Variants in ZZEF1 observed in about 807,000 individuals in gnomAD.
The protein encoded by ZZEF1 is zinc finger ZZ-type and EF-hand domain-containing protein 1.
ZZEF1 carries 157 observed loss-of-function variants against 342.8 expected under a neutral mutation model. That is an observed-to-expected ratio of 0.46 (90% CI 0.40 to 0.52). The LOEUF is 0.52. Among genes scored for constraint, ZZEF1 ranks in the 20% least tolerant of loss-of-function variants. The probability of loss-of-function intolerance (pLI) is 0.00; values close to 1 mark genes in which losing one functional copy is unlikely to be tolerated. For missense variants in ZZEF1, 3,480 were observed against 3,725.6 expected (o/e 0.93, Z 1.72); for synonymous variants, 1,505 against 1,429.1 (o/e 1.05, Z -1.20).
Position 4,013,485 on chromosome 17 carries a change from T to A in ZZEF1, c.8543A>T (p.His2848Leu). Residue 2848 changes from histidine to leucine, a missense_variant, in exon 52 of 55, where the codon CAC becomes CTC. His to Leu is a moderately conservative substitution (Grantham distance 99). This residue lies in a region of ZZEF1 where 1,269 missense variants were observed against 1,342.4 expected (regional missense o/e 0.95). Coordinates refer to ENST00000381638, the MANE Select transcript of ZZEF1 (RefSeq NM_015113.4). ...GCATCGCACAATCCTCAGAAGTAAGTGGATGGCTTTTAATCGTTGATGGCC... is the reference window on the plus strand; with the variant it reads ...GCATCGCACAATCCTCAGAAGTAAGAGGATGGCTTTTAATCGTTGATGGCC... ...QTGHQRLKAIHLLLRIVRCCG... is the reference protein window; with the variant it reads ...QTGHQRLKAILLLLRIVRCCG... 2 of 1,613,418 alleles carry A rather than the reference T, an allele frequency of 1.2e-6. No individual in the cohort carries two copies. Among genetic ancestry groups the A allele is most frequent in the Non-Finnish European group, 1.7e-6 (2 of 1,179,642 alleles).
At chr17:4,137,411 C>T (rs1054566615) in intron 1 of ZZEF1, among the ~76,000 whole-genome samples, 1 of 152,190 alleles carries the variant, frequency 6.6e-6, no homozygotes, top group African/African-American at 2.4e-5. Context: ...GAGATCGAGA[C>T]CATCCTGGCT....
chr17:4,094,537 C>T (rs2058000072), intron 11 of ZZEF1, among the ~76,000 whole-genome samples: 1 of 144,816 alleles, frequency 6.9e-6, no homozygotes, highest in South Asian at 2.1e-4. Flanking sequence ...ACCTGTTTAT[C>T]CATTGGCTAC....
At chr17:4,009,177 C>T (rs887941914) in intron 53 of ZZEF1, 2 of 599,988 alleles carry the variant, frequency 3.3e-6, no homozygotes, top group African/African-American at 3.7e-5. Context: ...GGTGACCAGG[C>T]CGGGACCCCT....
chr17:4,131,927 C>T (rs1419921669), intron 1 of ZZEF1, among the ~76,000 whole-genome samples: 1 of 151,988 alleles, frequency 6.6e-6, no homozygotes, highest in Non-Finnish European at 1.5e-5. Flanking sequence ...GCATGGGCAA[C>T]GATGGGAAGG....
rs1004203250 is a variant in ZZEF1, at chr17:4,082,445, C to T, written c.2706G>A (p.Thr902=). The change falls in exon 17 of 55, where the codon ACG becomes ACA. Residue 902 remains threonine (T), a synonymous_variant. Transcript: ENST00000381638. ...AAGAACGATCAGCTTACCTAAAATA[C>T]GTGCACAGTGAACGGAAAGTGAGCT... is the stretch of plus-strand genomic sequence containing the variant. ...SLQLTFRSLC[T]YFSDKDPGGL... 9 of 1,613,932 alleles carry T rather than the reference C, an allele frequency of 5.6e-6. No individual in the cohort carries two copies. The highest frequency in any genetic ancestry group is 1.1e-5 in the South Asian group (1 of 91,078).
chr17:4,128,922 C>T (rs191772173), intron 1 of ZZEF1, among the ~76,000 whole-genome samples: 35 of 151,690 alleles, frequency 2.3e-4, no homozygotes, highest in African/African-American at 7.0e-4. Context: ...GCATGCGCCA[C>T]CACGCCCAGC....
intron 26 of ZZEF1, among the ~76,000 whole-genome samples, chr17:4,068,826 C>T (rs2057454221): frequency 6.6e-6 from 1 of 152,164 alleles, no homozygotes; most frequent in Admixed American, 6.5e-5. Flanking sequence ...AAAACTCCTC[C>T]CCACCCTTTC....
intron 44 of ZZEF1, among the ~76,000 whole-genome samples, chr17:4,021,791 A>G (rs1009983860): frequency 1.3e-5 from 2 of 152,234 alleles, no homozygotes; most frequent in African/African-American, 2.4e-5. Flanking sequence ...AGCAGCCCAC[A>G]TGCCATCAAT....
chr17:4,090,846 T>A lies in ZZEF1; in HGVS notation c.1914-16A>T, dbSNP rs760571685. The A allele has an allele frequency of 6.3e-7, 1 of 1,597,860 alleles. No individual in the cohort carries two copies. The highest frequency in any genetic ancestry group is 1.1e-5 in the South Asian group (1 of 90,804). On this transcript the variant is annotated splice_polypyrimidine_tract_variant and intron_variant, in intron 11 of 54. Transcript: ENST00000381638. The stretch of plus-strand genomic sequence containing the variant: ...GCAACCAATCCTGTAAAGACAAGAG[T>A]ATTCACAAAACATTTTATTTTGAAA...
intron 39 of ZZEF1, among the ~76,000 whole-genome samples, chr17:4,041,757 A>G (rs866437160): frequency 7.2e-4 from 110 of 152,214 alleles, no homozygotes; most frequent in African/African-American, 2.3e-3. Flanking sequence ...ACGAAGGCAT[A>G]CCTAAACTGT....
chr17:4,033,090 A>T, intron 40 of ZZEF1, 88 bp from the exon 41 acceptor site: 1 of 1,314,894 alleles, frequency 7.6e-7, no homozygotes, highest in Non-Finnish European at 1.0e-6. Context: ...CAGACCCAGA[A>T]GCCTTCAAAG....
intron 33 of ZZEF1, 32 bp from the exon 34 acceptor site, chr17:4,054,227 A>C (rs1037814782): frequency 6.3e-7 from 1 of 1,594,146 alleles, no homozygotes; most frequent in African/African-American, 1.3e-5. Context: ...ATTAACTGAT[A>C]GATTTTCTAA....
At position 4,006,895 on chromosome 17, in the gene ZZEF1, A is replaced by G. The variant is rs1310659837; in HGVS notation, c.8881T>C (p.Cys2961Arg). ...CATGCACGCCCCACCAAGGGCTAAC[A>G]CTCCACATTCCAGAGGCGGGTGGCC... ...NKATRLWNVE[C>R] is the part of the protein sequence containing the mutation. The change falls in exon 55 of 55, where the codon TGT becomes CGT. Residue 2961 changes from cysteine (C) to arginine (R), a missense_variant. Cys to Arg is a radical substitution (Grantham distance 180). Transcript: ENST00000381638. The G allele has an allele frequency of 6.3e-7, 1 of 1,588,370 alleles. No individual in the cohort carries two copies. Among genetic ancestry groups the G allele is most frequent in the South Asian group, 1.1e-5 (1 of 87,234 alleles).
At chr17:4,069,302 C>T (rs2057463730) in intron 26 of ZZEF1, among the ~76,000 whole-genome samples, 1 of 152,120 alleles carries the variant, frequency 6.6e-6, no homozygotes, top group Non-Finnish European at 1.5e-5. Context: ...CCCGCCAAAA[C>T]CATACAGGTT....
At chr17:4,011,218 A>G (rs529703811) in intron 52 of ZZEF1, among the ~76,000 whole-genome samples, 3 of 152,120 alleles carry the variant, frequency 2.0e-5, no homozygotes, top group Non-Finnish European at 4.4e-5. Flanking sequence ...CCTGGGCAAC[A>G]TGGCGAAACC....
intron 8 of ZZEF1, among the ~76,000 whole-genome samples, chr17:4,103,492 G>A (rs1034540091): frequency 6.6e-6 from 1 of 151,948 alleles, no homozygotes; most frequent in Non-Finnish European, 1.5e-5. Context: ...CGCTGCAGTG[G>A]GCTCAGATTA....
chr17:4,051,286 A>G (rs2057040756), intron 35 of ZZEF1, among the ~76,000 whole-genome samples: 1 of 152,186 alleles, frequency 6.6e-6, no homozygotes, highest in Non-Finnish European at 1.5e-5. Flanking sequence ...AAATTGGACT[A>G]AGGAAGAATT....
chr17:4,100,646 T>C (rs1372540699), intron 9 of ZZEF1, among the ~76,000 whole-genome samples: 1 of 152,052 alleles, frequency 6.6e-6, no homozygotes, highest in Non-Finnish European at 1.5e-5. Context: ...CCATCCTGGC[T>C]AACGTGGTGA....
intron 7 of ZZEF1, 57 bp from the exon 8 acceptor site, chr17:4,104,868 G>C (rs2058185129): frequency 1.3e-6 from 2 of 1,497,028 alleles, no homozygotes; most frequent in Non-Finnish European, 1.8e-6. Flanking sequence ...AATCCAGGTA[G>C]CTCAAACCCC....
Sources: allele counts gnomAD v4.1 joint callset (sites outside exome capture counted in the v4.1 genomes callset), GRCh38; gene constraint gnomAD v4.1.1; regional missense constraint gnomAD v4.1.1; transcripts MANE v1.5; gene names NCBI Gene and HGNC (gene_info 2026-07-23, HGNC 2026-07-21).